Variants in LRRC9 observed in about 807,000 individuals in gnomAD.
The protein encoded by LRRC9 is leucine-rich repeat-containing protein 9.
In LRRC9, 122 loss-of-function variants were observed where a neutral mutation model predicts 63.2. The ratio of observed to expected loss-of-function variants is 1.93; its 90% CI spans 1.67 to 2.24. The LOEUF (loss-of-function observed/expected upper bound fraction) is 2.24, where lower values mean the gene tolerates loss of function less well. Among genes scored for constraint, LRRC9 ranks in the 30% most tolerant of loss-of-function variants. The probability of loss-of-function intolerance (pLI) is 0.00; values close to 1 mark genes in which losing one functional copy is unlikely to be tolerated. For missense variants in LRRC9, 1,071 were observed against 627.7 expected (o/e 1.71, Z -7.55); for synonymous variants, 366 against 213.1 (o/e 1.72, Z -6.25).
chr14:60,009,486 A>G (rs1176503290), intron 23 of LRRC9, among the ~76,000 whole-genome samples: 4 of 152,176 alleles, frequency 2.6e-5, no homozygotes, highest in Non-Finnish European at 4.4e-5. Flanking sequence ...CCATGATTCA[A>G]TTACCTGCCA....
Position 60,003,538 on chromosome 14 carries a change from T to C in LRRC9, c.2665-83T>C, listed in dbSNP as rs1206579467. ...ATATCTATTTATCACATTTGAATTA[T>C]TTCATTAGCTTTTTAAAATGTTATT... On this transcript the variant is annotated intron_variant, in intron 20 of 31. Transcript: ENST00000445360. The surrounding 1 kb of genome is among the most constrained non-coding windows in gnomAD (Gnocchi z 4.2). 3 of 559,270 alleles carry C rather than the reference T, an allele frequency of 5.4e-6. No homozygotes were observed. The highest frequency in any genetic ancestry group is 1.9e-5 in the African/African-American group (1 of 51,836). The allele number at this position is 559,270 out of a possible 1,614,324, so 34.6% of individuals were successfully genotyped here.
chr14:60,018,872 G>T (rs765356470), intron 25 of LRRC9, among the ~76,000 whole-genome samples: 49 of 151,800 alleles, frequency 3.2e-4, no homozygotes, highest in Non-Finnish European at 4.0e-4. Context: ...TCCTTGTCAG[G>T]TTTGGAGAAA....
Position 59,922,986 on chromosome 14 carries a change from G to C in LRRC9, c.-34+3103G>C, listed in dbSNP as rs1888909471. On this transcript the variant is annotated intron_variant, in intron 1 of 31. Coordinates refer to ENST00000445360, the Ensembl canonical transcript of LRRC9. The surrounding 1 kb of genome is among the most constrained non-coding windows in gnomAD (Gnocchi z 5.3). ...TGCAGTTTGAGGTGTAAAAGCTATAGAAGTTCCTGGTGGCTTCTGGTTTTG... is the reference window on the plus strand; with the variant it reads ...TGCAGTTTGAGGTGTAAAAGCTATACAAGTTCCTGGTGGCTTCTGGTTTTG... Among the ~76,000 whole-genome samples, 1 of 152,198 alleles carries C rather than the reference G, an allele frequency of 6.6e-6. No individual in the cohort carries two copies.
chr14:59,958,039 G>A lies in LRRC9; in HGVS notation c.883-1779G>A, dbSNP rs1193215669. On this transcript the variant is annotated intron_variant, in intron 8 of 31. Coordinates refer to ENST00000445360, the Ensembl canonical transcript of LRRC9. The surrounding 1 kb of genome is among the most constrained non-coding windows in gnomAD (Gnocchi z 4.0). The stretch of plus-strand genomic sequence containing the variant: ...GAGCACTGGCCTGATGCCAACCAGA[G>A]CTCTCCTGTATGAGGTGTCTGTCGA... Among the ~76,000 whole-genome samples, 1 of 152,208 alleles carries A rather than the reference G, an allele frequency of 6.6e-6. No homozygotes were observed. Among genetic ancestry groups the A allele is most frequent in the East Asian group, 1.9e-4 (1 of 5,184 alleles).
At chr14:59,995,416 T>C (rs1888656583) in intron 17 of LRRC9, among the ~76,000 whole-genome samples, 1 of 152,220 alleles carries the variant, frequency 6.6e-6, no homozygotes, top group Non-Finnish European at 1.5e-5. Flanking sequence ...CTTATCTTTC[T>C]GAATGAGAAA....
chr14:60,055,745 A>AC lies in LRRC9; in HGVS notation c.4132-2133_4132-2132insC, dbSNP rs372312324. ...TTGTCTCTATTTAAAAAAAAAAAAA[A>AC]ACAAAAAAAACTAGCCAGGCATGAT... On this transcript the variant is annotated intron_variant, in intron 30 of 31. Coordinates refer to ENST00000445360, the Ensembl canonical transcript of LRRC9. Among the ~76,000 whole-genome samples the AC allele has an allele frequency of 1.7e-3, 254 of 147,344 alleles. 1 individual carries two copies. The highest frequency in any genetic ancestry group is 7.0e-3 in the Middle Eastern group (2 of 286).
chr14:59,983,845 G>T (rs1205966215), intron 16 of LRRC9, among the ~76,000 whole-genome samples: 2 of 152,186 alleles, frequency 1.3e-5, no homozygotes, highest in African/African-American at 4.8e-5. Context: ...TTGACAGCTT[G>T]TGCATGGAAT....
intron 15 of LRRC9, among the ~76,000 whole-genome samples, chr14:59,979,771 A>C (rs1483248425): frequency 7.0e-6 from 1 of 141,950 alleles, no homozygotes; most frequent in East Asian, 2.2e-4. Flanking sequence ...GAACAATGAG[A>C]ACACATGGAC....
In LRRC9 at chr14:60,051,437, G is replaced by A. The variant is rs529729022; in HGVS notation, c.3991-1628G>A. Among the ~76,000 whole-genome samples the A allele has an allele frequency of 6.6e-6, 1 of 152,356 alleles. No homozygotes were observed. Among genetic ancestry groups the A allele is most frequent in the Non-Finnish European group, 1.5e-5 (1 of 68,036 alleles). ...CCACCTGGACTCTCTACAGATGGCA[G>A]GCTGGAACGCTGACTTGACTGAACC... On this transcript the variant is annotated intron_variant, in intron 29 of 31. Transcript: ENST00000445360. The surrounding 1 kb of genome is among the most constrained non-coding windows in gnomAD (Gnocchi z 4.7).
In LRRC9 at chr14:59,976,985, T is replaced by C. The variant is rs563644876; in HGVS notation, c.1640-240T>C. ...TTCCTTCTCCCTCTTCTGTAAAGCT[T>C]TGCTTGATATAATCACACAACACCT... On this transcript the variant is annotated intron_variant, in intron 13 of 31. Coordinates refer to ENST00000445360, the Ensembl canonical transcript of LRRC9. Among the ~76,000 whole-genome samples the C allele has an allele frequency of 6.3e-4, 96 of 152,314 alleles. 2 individuals are homozygous for C. The highest frequency in any genetic ancestry group is 2.1e-3 in the African/African-American group (89 of 41,580).
chr14:60,006,429 A>G (rs1889815035), exon 22 of LRRC9: 1 of 697,644 alleles, frequency 1.4e-6, no homozygotes, highest in South Asian at 1.5e-5. Flanking sequence ...AACTCGCCTC[A>G]GCATAAATAA....
chr14:60,035,365 T>A (rs1047965110), intron 29 of LRRC9, among the ~76,000 whole-genome samples: 2 of 152,160 alleles, frequency 1.3e-5, no homozygotes, highest in African/African-American at 4.8e-5. Flanking sequence ...GTAATCCCAT[T>A]TATCCATTTT....
chr14:60,026,985 G>A (rs1891607473), intron 27 of LRRC9, among the ~76,000 whole-genome samples: 1 of 151,864 alleles, frequency 6.6e-6, no homozygotes, highest in Non-Finnish European at 1.5e-5. Flanking sequence ...ACATTTTGAG[G>A]TACTGGAGGT....
chr14:59,935,809 G>T (rs1308788784), intron 6 of LRRC9, among the ~76,000 whole-genome samples: 1 of 152,210 alleles, frequency 6.6e-6, no homozygotes, highest in Non-Finnish European at 1.5e-5. Context: ...AAGGGGTATG[G>T]CAGATTCTAG....
At chr14:60,013,905 T>C (rs979268222) in intron 23 of LRRC9, among the ~76,000 whole-genome samples, 18 of 152,206 alleles carry the variant, frequency 1.2e-4, no homozygotes, top group African/African-American at 3.9e-4. Context: ...TTATATTTAC[T>C]ATAGCCAACT....
At chr14:60,045,831 G>A (rs755127400) in intron 29 of LRRC9, among the ~76,000 whole-genome samples, 23 of 152,032 alleles carry the variant, frequency 1.5e-4, no homozygotes, top group Non-Finnish European at 2.6e-4. Context: ...CTGGTTCTAC[G>A]TCTTTGAAGA....
Position 59,964,093 on chromosome 14 carries a change from G to A in LRRC9, c.1212-2496G>A, listed in dbSNP as rs1161901819. 1.3e-5 allele frequency among the ~76,000 whole-genome samples: 2 copies of A among 152,160 alleles called. No individual in the cohort carries two copies. The highest frequency in any genetic ancestry group is 4.8e-5 in the African/African-American group (2 of 41,452). Reference sequence around the variant, plus strand: ...GTACACAGTTCAGCTGACTCTAAAGGATTTGAACAGGAGTTATGATTAGTT... The same window carrying A: ...GTACACAGTTCAGCTGACTCTAAAGAATTTGAACAGGAGTTATGATTAGTT... On this transcript the variant is annotated intron_variant, in intron 10 of 31. Coordinates refer to ENST00000445360, the Ensembl canonical transcript of LRRC9. The surrounding 1 kb of genome is among the most constrained non-coding windows in gnomAD (Gnocchi z 4.4).
chr14:60,037,106 T>G (rs541704212), intron 29 of LRRC9, among the ~76,000 whole-genome samples: 50 of 152,344 alleles, frequency 3.3e-4, no homozygotes, highest in African/African-American at 1.1e-3. Context: ...CATCCTTTTT[T>G]ATGGCTGCAT....
intron 22 of LRRC9, among the ~76,000 whole-genome samples, chr14:60,007,255 C>T (rs374530061): frequency 2.0e-5 from 3 of 152,254 alleles, no homozygotes; most frequent in East Asian, 3.9e-4. Context: ...TTCCGTTCCC[C>T]CAGTATAATT....
Sources: allele counts gnomAD v4.1 joint callset (sites outside exome capture counted in the v4.1 genomes callset), GRCh38; gene constraint gnomAD v4.1.1; non-coding constraint Gnocchi (gnomAD v3.1); transcripts MANE v1.5; gene names NCBI Gene and HGNC (gene_info 2026-07-23, HGNC 2026-07-21).